RORB: variants seen among roughly 807,000 people sequenced by gnomAD.
RORB encodes the protein RAR related orphan receptor B.
In RORB, 6 loss-of-function variants were observed where a neutral mutation model predicts 59.1. The observed-to-expected ratio is 0.10, with a 90% CI of 0.06 to 0.20. RORB has a LOEUF of 0.20. Ranked by LOEUF, RORB falls within the 10% of genes least tolerant of loss-of-function variation. The pLI is 1.00. For missense variants in RORB, 320 were observed against 560.5 expected (o/e 0.57, Z 4.33); for synonymous variants, 215 against 204.5 (o/e 1.05, Z -0.44).
At chr9:74,579,574 T>C (rs1015299089) in intron 1 of RORB, among the ~76,000 whole-genome samples, 1 of 152,098 alleles carries the variant, frequency 6.6e-6, no homozygotes, top group Non-Finnish European at 1.5e-5. Flanking sequence ...ATATTGATGG[T>C]TAACAAAGCT....
At chr9:74,594,091 C>T (rs997893248) in intron 1 of RORB, among the ~76,000 whole-genome samples, 2 of 152,188 alleles carry the variant, frequency 1.3e-5, no homozygotes, top group African/African-American at 4.8e-5. Context: ...TTTGCAAAGG[C>T]TCCATCTATA....
intron 1 of RORB, among the ~76,000 whole-genome samples, chr9:74,532,830 A>G (rs866027756): frequency 7.4e-6 from 1 of 135,060 alleles, no homozygotes; most frequent in South Asian, 2.2e-4. Flanking sequence ...ATATATGTGT[A>G]TATATATACA....
At chr9:74,507,565 G>A (rs1293920935) in intron 1 of RORB, among the ~76,000 whole-genome samples, 4 of 152,006 alleles carry the variant, frequency 2.6e-5, no homozygotes, top group African/African-American at 7.2e-5. Context: ...CTAAGTTTCC[G>A]AAGTAAAAAT....
intron 1 of RORB, among the ~76,000 whole-genome samples, chr9:74,544,752 AG>A (rs751282037): frequency 2.6e-5 from 4 of 152,280 alleles, no homozygotes; most frequent in African/African-American, 7.2e-5. Context: ...AGGAATCCTG[AG>A]GGGAAAAACC....
At chr9:74,661,636 C>CTG (rs1554673797) in intron 5 of RORB, among the ~76,000 whole-genome samples, 12 of 79,592 alleles carry the variant, frequency 1.5e-4, no homozygotes, top group African/African-American at 5.8e-4. Context: ...TTCTTTTTTC[C>CTG]TTTTTTTTTT....
chr9:74,671,695 A>G, intron 8 of RORB, 94 bp from the exon 9 acceptor site: 1 of 649,064 alleles, frequency 1.5e-6, no homozygotes, highest in African/African-American at 1.8e-5. Context: ...GAACTAAATA[A>G]TATGAAATGG....
chr9:74,597,400 C>G (rs920895106), intron 1 of RORB, among the ~76,000 whole-genome samples: 1 of 152,206 alleles, frequency 6.6e-6, no homozygotes, highest in Non-Finnish European at 1.5e-5. Flanking sequence ...CACAGGGCCT[C>G]ATGGGGCAAG....
chr9:74,614,199 C>T (rs942908070), intron 1 of RORB, among the ~76,000 whole-genome samples: 3 of 152,124 alleles, frequency 2.0e-5, no homozygotes, highest in Admixed American at 6.5e-5. Context: ...TATATGGTTG[C>T]GTGTGCATAG....
At chr9:74,564,305 A>G (rs1490879286) in intron 1 of RORB, among the ~76,000 whole-genome samples, 1 of 152,238 alleles carries the variant, frequency 6.6e-6, no homozygotes, top group African/African-American at 2.4e-5. Context: ...GAAGTTAATC[A>G]CAATTCATTA....
intron 1 of RORB, among the ~76,000 whole-genome samples, chr9:74,555,281 T>C (rs1822271499): frequency 6.6e-6 from 1 of 152,212 alleles, no homozygotes; most frequent in Non-Finnish European, 1.5e-5. Flanking sequence ...AAATCTTCTT[T>C]TTCATGTACC....
At chr9:74,676,997 C>G (rs1167842850) in intron 9 of RORB, among the ~76,000 whole-genome samples, 1 of 152,188 alleles carries the variant, frequency 6.6e-6, no homozygotes, top group Non-Finnish European at 1.5e-5. Context: ...TTGGTTGATT[C>G]ACTGTCATTG....
chr9:74,506,509 A>G (rs948112631), intron 1 of RORB, among the ~76,000 whole-genome samples: 5 of 152,074 alleles, frequency 3.3e-5, no homozygotes, highest in African/African-American at 1.2e-4. Flanking sequence ...TTGAAAGGAT[A>G]GTCTGTCATT....
intron 1 of RORB, among the ~76,000 whole-genome samples, chr9:74,546,524 A>G (rs930073306): frequency 6.6e-6 from 1 of 152,220 alleles, no homozygotes; most frequent in Non-Finnish European, 1.5e-5. Context: ...GGCATCATAA[A>G]CTGATGAGAG....
intron 6 of RORB, 40 bp downstream of exon 6, chr9:74,662,646 G>T (rs1174404956): frequency 1.2e-6 from 2 of 1,605,366 alleles, no homozygotes; most frequent in Admixed American, 1.7e-5. Context: ...TTCAGATAAG[G>T]ATGTGGTCAG....
At chr9:74,632,099 G>A (rs1823628157) in intron 2 of RORB, among the ~76,000 whole-genome samples, 1 of 152,036 alleles carries the variant, frequency 6.6e-6, no homozygotes. Context: ...AGCTCTATTT[G>A]AAAAATGTGT....
chr9:74,655,863 G>A (rs935526344), intron 4 of RORB, among the ~76,000 whole-genome samples: 1 of 152,168 alleles, frequency 6.6e-6, no homozygotes, highest in African/African-American at 2.4e-5. Context: ...AGAGGGTCAA[G>A]TCGGTTTTTG....
At chr9:74,519,709 C>T (rs989600939) in intron 1 of RORB, among the ~76,000 whole-genome samples, 1 of 151,908 alleles carries the variant, frequency 6.6e-6, no homozygotes, top group Non-Finnish European at 1.5e-5. Context: ...CTCCGAAGCT[C>T]GGGTTCATTG....
At chr9:74,614,478 A>G (rs1167799391) in intron 1 of RORB, among the ~76,000 whole-genome samples, 5 of 152,128 alleles carry the variant, frequency 3.3e-5, no homozygotes, top group African/African-American at 1.2e-4. Context: ...GGAATGGGTA[A>G]TTATGTGAGA....
intron 1 of RORB, 183 bp downstream of exon 1, chr9:74,498,166 G>A: frequency 2.8e-6 from 2 of 702,326 alleles, no homozygotes; most frequent in Admixed American, 2.4e-5. Context: ...GGAAGGTGTT[G>A]ATGTCTTTCG....
Sources: gnomAD v4.1 joint callset for allele counts (sites outside exome capture counted in the v4.1 genomes callset) on GRCh38, gnomAD v4.1.1 for gene constraint, MANE v1.5 for transcripts, NCBI Gene and HGNC (gene_info 2026-07-23, HGNC 2026-07-21) for gene names.